TANC2: variants seen among roughly 807,000 people sequenced by gnomAD.
TANC2 encodes the protein protein TANC2.
TANC2 carries 26 observed loss-of-function variants against 210.5 expected under a neutral mutation model. The ratio of observed to expected loss-of-function variants is 0.12; its 90% CI spans 0.09 to 0.17. TANC2 has a LOEUF of 0.17. TANC2 is among the 10% of genes least tolerant of loss of function. The probability of loss-of-function intolerance (pLI) is 1.00; values close to 1 mark genes in which losing one functional copy is unlikely to be tolerated. For synonymous variants in TANC2, 931 were observed against 967.1 expected (o/e 0.96, Z 0.69); for missense variants, 2,129 against 2,608.9 (o/e 0.82, Z 4.01).
chr17:63,097,477 A>C (rs2037430443), intron 3 of TANC2, among the ~76,000 whole-genome samples: 2 of 152,146 alleles, frequency 1.3e-5, no homozygotes, highest in South Asian at 2.1e-4. Flanking sequence ...AGGGGTGTCC[A>C]ATCTTTTGGC....
At chr17:63,380,097 A>G (rs1395547412) in intron 15 of TANC2, among the ~76,000 whole-genome samples, 1 of 152,214 alleles carries the variant, frequency 6.6e-6, no homozygotes, top group Non-Finnish European at 1.5e-5. Flanking sequence ...TGCTCCATAC[A>G]TGACCTATCA....
chr17:63,228,152 C>T (rs967567682), intron 7 of TANC2, among the ~76,000 whole-genome samples: 1 of 152,016 alleles, frequency 6.6e-6, no homozygotes, highest in African/African-American at 2.4e-5. Context: ...TGTGAGCCAC[C>T]ATGCCCAGCC....
At chr17:62,970,203 T>C (rs1192770474) in intron 1 of TANC2, among the ~76,000 whole-genome samples, 1 of 152,218 alleles carries the variant, frequency 6.6e-6, no homozygotes, top group East Asian at 1.9e-4. Context: ...CACTTCCCTT[T>C]TTATATACAT....
At chr17:63,381,198 T>C (rs2047597335) in intron 15 of TANC2, 2 of 152,220 alleles carry the variant, frequency 1.3e-5, no homozygotes, top group African/African-American at 4.8e-5. Flanking sequence ...TTTGACGAAG[T>C]ATTTTATCCC....
Position 63,412,489 on chromosome 17 carries a change from C to G in TANC2, c.3899-191C>G, listed in dbSNP as rs1222953949. ...GCTTTCCCTTGCTCTGAATGTGCTT[C>G]AGACTCAAGTCCCTGCTGCCGCTGT... On this transcript the variant is annotated intron_variant, in intron 23 of 27. Coordinates refer to ENST00000689528, the Ensembl canonical transcript of TANC2. This position sits in a 1 kb window ranked among gnomAD's most constrained non-coding sequence, Gnocchi z 4.2. Among the ~76,000 whole-genome samples, 2 of 152,332 alleles carry G rather than the reference C, an allele frequency of 1.3e-5. No individual in the cohort carries two copies. The highest frequency in any genetic ancestry group is 2.9e-5 in the Non-Finnish European group (2 of 68,034).
chr17:63,233,128 T>C (rs542434515), intron 7 of TANC2, among the ~76,000 whole-genome samples: 3 of 152,318 alleles, frequency 2.0e-5, no homozygotes, highest in African/African-American at 7.2e-5. Flanking sequence ...AACAGCAGAC[T>C]GGAGCTGCAG....
At chr17:63,256,145 T>C (rs1384206642) in intron 8 of TANC2, among the ~76,000 whole-genome samples, 1 of 152,110 alleles carries the variant, frequency 6.6e-6, no homozygotes, top group East Asian at 1.9e-4. Flanking sequence ...TGACCTCAAG[T>C]GATCCACCTG....
In TANC2 at chr17:63,210,478, T is replaced by C. The variant is rs939761883; in HGVS notation, c.769+9521T>C. 3.9e-5 allele frequency among the ~76,000 whole-genome samples: 6 copies of C among 152,236 alleles called. No individual in the cohort carries two copies. In the South Asian group the frequency reaches 1.2e-3, roughly 31 times the overall value. On this transcript the variant is annotated intron_variant, in intron 7 of 27. Coordinates refer to ENST00000689528, the Ensembl canonical transcript of TANC2. ...CATTGCCAATAACCAGTATAGTTACTTATAGTTATATATTTATTTTCTTTA... is the reference window on the plus strand; with the variant it reads ...CATTGCCAATAACCAGTATAGTTACCTATAGTTATATATTTATTTTCTTTA...
intron 4 of TANC2, among the ~76,000 whole-genome samples, chr17:63,145,223 C>A (rs1364613243): frequency 1.3e-5 from 2 of 152,036 alleles, no homozygotes; most frequent in Admixed American, 1.3e-4. Flanking sequence ...ATGCCCTTCC[C>A]ACCTATTTCC....
At chr17:63,041,563 T>G (rs2035187762) in intron 2 of TANC2, among the ~76,000 whole-genome samples, 1 of 152,018 alleles carries the variant, frequency 6.6e-6, no homozygotes, top group African/African-American at 2.4e-5. Flanking sequence ...TCATTGAACA[T>G]TTTTTTTCAG....
intron 4 of TANC2, among the ~76,000 whole-genome samples, chr17:63,113,377 C>T (rs772097247): frequency 6.6e-6 from 1 of 152,186 alleles, no homozygotes; most frequent in Non-Finnish European, 1.5e-5. Flanking sequence ...CACCAGAGGG[C>T]AGAGTGTTCC....
intron 8 of TANC2, among the ~76,000 whole-genome samples, chr17:63,244,344 G>A (rs754238312): frequency 6.6e-6 from 1 of 152,118 alleles, no homozygotes; most frequent in African/African-American, 2.4e-5. Context: ...GATTGTACTG[G>A]TAAAGCCATG....
intron 14 of TANC2, among the ~76,000 whole-genome samples, chr17:63,367,910 A>G (rs183673097): frequency 6.6e-6 from 1 of 152,208 alleles, no homozygotes; most frequent in South Asian, 2.1e-4. Context: ...AGAAACAAAG[A>G]TCTGATAACT....
Position 63,421,777 on chromosome 17 carries a change from G to C in TANC2, c.6047G>C (p.Gly2016Ala), listed in dbSNP as rs1353264981. ...GGGATGCTGGCTAACGGGTCTCGTG[G>C]AGACCTCTTGGAGCGAGTCAGCCAG... The change falls in exon 28 of 28, where the codon GGA becomes GCA. Residue 2016 changes from glycine to alanine, a missense_variant. Physicochemically the swap from Gly to Ala is moderately conservative, Grantham distance 60. This residue lies in a region of TANC2 where 161 missense variants were observed against 178.6 expected (regional missense o/e 0.90). Transcript: ENST00000689528. The surrounding 1 kb of genome is among the most constrained non-coding windows in gnomAD (Gnocchi z 6.9). The C allele has an allele frequency of 1.9e-6, 3 of 1,614,020 alleles. No homozygotes were observed. Among genetic ancestry groups the C allele is most frequent in the Non-Finnish European group, 1.7e-6 (2 of 1,179,894 alleles).
intron 4 of TANC2, among the ~76,000 whole-genome samples, chr17:63,134,347 A>G (rs1470096976): frequency 6.6e-6 from 1 of 152,182 alleles, no homozygotes; most frequent in African/African-American, 2.4e-5. Flanking sequence ...AGCACATTAT[A>G]TATGCAAGGC....
chr17:63,398,251 C>T (rs550623101), intron 18 of TANC2, among the ~76,000 whole-genome samples: 2 of 152,006 alleles, frequency 1.3e-5, no homozygotes, highest in East Asian at 3.9e-4. Context: ...TCAAGACCAC[C>T]CTGGACAACA....
chr17:63,402,705 T>C (rs571928954), intron 19 of TANC2, among the ~76,000 whole-genome samples: 1 of 152,368 alleles, frequency 6.6e-6, no homozygotes, highest in African/African-American at 2.4e-5. Context: ...TGTCAGATCA[T>C]CTCGTCAGAT....
chr17:63,166,737 C>G (rs911422799), intron 5 of TANC2, among the ~76,000 whole-genome samples: 1 of 152,052 alleles, frequency 6.6e-6, no homozygotes, highest in African/African-American at 2.4e-5. Context: ...CCACTTCTAC[C>G]CATAACAGTG....
intron 2 of TANC2, among the ~76,000 whole-genome samples, chr17:63,069,671 T>G (rs1478858701): frequency 6.6e-6 from 1 of 152,200 alleles, no homozygotes; most frequent in East Asian, 1.9e-4. Flanking sequence ...GTAACCTTAC[T>G]AAAAGTAGAA....
Sources: gnomAD v4.1 joint callset for allele counts (sites outside exome capture counted in the v4.1 genomes callset) on GRCh38, gnomAD v4.1.1 for gene constraint, gnomAD v4.1.1 regional missense constraint, Gnocchi (gnomAD v3.1) non-coding constraint, MANE v1.5 for transcripts, NCBI Gene and HGNC (gene_info 2026-07-23, HGNC 2026-07-21) for gene names.